Variants in KCNQ3 observed in about 807,000 individuals in gnomAD.
KCNQ3 encodes the protein potassium voltage-gated channel subfamily Q member 3.
KCNQ3 carries 30 observed loss-of-function variants against 92.5 expected under a neutral mutation model. The ratio of observed to expected loss-of-function variants is 0.32; its 90% CI spans 0.24 to 0.44. KCNQ3 has a LOEUF of 0.44. KCNQ3 is among the 20% of genes least tolerant of loss of function. The probability of loss-of-function intolerance (pLI) is 1.00; values close to 1 mark genes in which losing one functional copy is unlikely to be tolerated. For missense variants in KCNQ3, 913 were observed against 1,140.3 expected (o/e 0.80, Z 2.87); for synonymous variants, 450 against 468.8 (o/e 0.96, Z 0.52).
chr8:132,134,234 G>T, intron 13 of KCNQ3, 56 bp downstream of exon 13: 1 of 1,297,222 alleles, frequency 7.7e-7, no homozygotes, highest in Non-Finnish European at 1.1e-6. Flanking sequence ...TTGGGGGTGG[G>T]GATGCTTTAC....
At chr8:132,446,041 C>A (rs1821667630) in intron 1 of KCNQ3, among the ~76,000 whole-genome samples, 1 of 152,188 alleles carries the variant, frequency 6.6e-6, no homozygotes, top group South Asian at 2.1e-4. Flanking sequence ...CAGAGCTGAA[C>A]TGTATTTAAT....
At chr8:132,133,388 A>C (rs1586754917) in intron 13 of KCNQ3, among the ~76,000 whole-genome samples, 3 of 105,682 alleles carry the variant, frequency 2.8e-5, no homozygotes, top group Non-Finnish European at 1.8e-5. Context: ...ATGGAGTCTC[A>C]CTCTTTTGCC....
intron 1 of KCNQ3, among the ~76,000 whole-genome samples, chr8:132,202,891 T>G (rs1827505260): frequency 6.6e-6 from 1 of 152,224 alleles, no homozygotes; most frequent in East Asian, 1.9e-4. Flanking sequence ...GTATTTGCTA[T>G]AGCAACAGCC....
intron 1 of KCNQ3, among the ~76,000 whole-genome samples, chr8:132,270,077 T>C (rs1478579068): frequency 6.6e-5 from 10 of 152,130 alleles, no homozygotes; most frequent in Non-Finnish European, 1.3e-4. Context: ...CTTCCCGCTT[T>C]CTTATTAAAC....
At chr8:132,246,386 TAGG>T (rs1261203932) in intron 1 of KCNQ3, among the ~76,000 whole-genome samples, 2 of 152,072 alleles carry the variant, frequency 1.3e-5, no homozygotes, top group Non-Finnish European at 2.9e-5. Context: ...TTAACAGAAA[TAGG>T]AGGTTTGCAG....
At chr8:132,216,549 T>C (rs953716719) in intron 1 of KCNQ3, among the ~76,000 whole-genome samples, 1 of 152,194 alleles carries the variant, frequency 6.6e-6, no homozygotes, top group Non-Finnish European at 1.5e-5. Context: ...CCAATTCCAC[T>C]TGGATCCCAA....
intron 1 of KCNQ3, among the ~76,000 whole-genome samples, chr8:132,300,739 G>C (rs892446161): frequency 3.3e-5 from 5 of 152,144 alleles, no homozygotes; most frequent in South Asian, 4.1e-4. Flanking sequence ...GTTTTAAACT[G>C]TATCTCAGGT....
At chr8:132,145,324 A>G (rs1446607479) in intron 9 of KCNQ3, among the ~76,000 whole-genome samples, 1 of 152,226 alleles carries the variant, frequency 6.6e-6, no homozygotes, top group African/African-American at 2.4e-5. Context: ...AAGTAATAAA[A>G]CATTCAATCT....
intron 1 of KCNQ3, among the ~76,000 whole-genome samples, chr8:132,281,520 C>CTG (rs57252508): frequency 0.15 from 22,015 of 149,508 alleles, 1,808 homozygotes; most frequent in African/African-American, 0.22. Context: ...TATATGGAAT[C>CTG]TGTGTGTGTG....
intron 1 of KCNQ3, among the ~76,000 whole-genome samples, chr8:132,316,868 T>G (rs772756551): frequency 3.3e-5 from 5 of 152,236 alleles, no homozygotes; most frequent in Non-Finnish European, 7.3e-5. Flanking sequence ...GTTTTCAGCA[T>G]GTTTATGAGT....
At chr8:132,385,132 A>C (rs915311594) in intron 1 of KCNQ3, among the ~76,000 whole-genome samples, 4 of 152,130 alleles carry the variant, frequency 2.6e-5, no homozygotes, top group Non-Finnish European at 4.4e-5. Context: ...TCACCAACAC[A>C]CAAGTAAACA....
At chr8:132,280,541 C>T (rs946985948) in intron 1 of KCNQ3, among the ~76,000 whole-genome samples, 2 of 152,142 alleles carry the variant, frequency 1.3e-5, no homozygotes, top group Admixed American at 6.6e-5. Context: ...GACGGATCTG[C>T]CTCCATGACC....
chr8:132,417,294 A>C (rs1820842721), intron 1 of KCNQ3, among the ~76,000 whole-genome samples: 1 of 152,216 alleles, frequency 6.6e-6, no homozygotes, highest in African/African-American at 2.4e-5. Flanking sequence ...CAGTTGTCAG[A>C]AACCAGGAAA....
At chr8:132,162,932 T>A (rs1826032650) in intron 9 of KCNQ3, among the ~76,000 whole-genome samples, 1 of 152,182 alleles carries the variant, frequency 6.6e-6, no homozygotes, top group Admixed American at 6.5e-5. Context: ...TAAAAATGGT[T>A]TCTACATGTC....
At chr8:132,320,787 G>A (rs1468250550) in intron 1 of KCNQ3, among the ~76,000 whole-genome samples, 1 of 152,114 alleles carries the variant, frequency 6.6e-6, no homozygotes, top group African/African-American at 2.4e-5. Flanking sequence ...ATTTATAACA[G>A]AAGAGAAAAC....
chr8:132,315,413 G>T (rs552131904), intron 1 of KCNQ3, among the ~76,000 whole-genome samples: 1 of 152,228 alleles, frequency 6.6e-6, no homozygotes, highest in African/African-American at 2.4e-5. Flanking sequence ...AGATGAATTC[G>T]GGGAGCAGAA....
chr8:132,209,659 A>G (rs1008156600), intron 1 of KCNQ3, among the ~76,000 whole-genome samples: 2 of 152,148 alleles, frequency 1.3e-5, no homozygotes, highest in Admixed American at 1.3e-4. Flanking sequence ...GAAGCCATTC[A>G]GTACAGTATT....
rs1052961457 is a variant in KCNQ3 at position 132,125,037 on chromosome 8, T to C, written c.*4225A>G. On this transcript the variant is annotated 3_prime_UTR_variant, in exon 15 of 15. Coordinates refer to ENST00000388996, the MANE Select transcript of KCNQ3 (RefSeq NM_004519.4). The stretch of plus-strand genomic sequence containing the variant: ...TGTGTCATAGTCTGTATCATAAGCT[T>C]CTCTTGGTCAACATAATGAAATGAA... 3 of 152,190 alleles carry C rather than the reference T, an allele frequency of 2.0e-5. No individual in the cohort carries two copies. The highest frequency in any genetic ancestry group is 2.4e-5 in the African/African-American group (1 of 41,448). The allele number at this position is 152,190 out of a possible 1,614,324, so 9.4% of individuals were successfully genotyped here.
chr8:132,364,161 A>C (rs1819250013), intron 1 of KCNQ3, among the ~76,000 whole-genome samples: 2 of 152,188 alleles, frequency 1.3e-5, no homozygotes, highest in African/African-American at 4.8e-5. Context: ...AACATAAGGC[A>C]AAAATTGAAT....
Sources: gnomAD v4.1 joint callset for allele counts (sites outside exome capture counted in the v4.1 genomes callset) on GRCh38, gnomAD v4.1.1 for gene constraint, MANE v1.5 for transcripts, NCBI Gene and HGNC (gene_info 2026-07-23, HGNC 2026-07-21) for gene names.